The following ADAMTS17 variants were observed in gnomAD, a reference collection of about 807,000 sequenced individuals.
ADAMTS17 encodes A disintegrin and metalloproteinase with thrombospondin motifs 17.
ADAMTS17 carries 113 observed loss-of-function variants against 141.5 expected under a neutral mutation model. The observed-to-expected ratio is 0.80, with a 90% CI of 0.69 to 0.93. ADAMTS17 has a LOEUF of 0.93. Among genes scored for constraint, ADAMTS17 ranks in the 40% least tolerant of loss-of-function variants. ADAMTS17 has a pLI of 0.00. For missense variants in ADAMTS17, 1,659 were observed against 1,517.9 expected (o/e 1.09, Z -1.54); for synonymous variants, 768 against 630.6 (o/e 1.22, Z -3.27).
In ADAMTS17 at chr15:100,109,135, G is replaced by A; in HGVS notation, c.1889-19C>T. The A allele has an allele frequency of 5.6e-6, 9 of 1,598,852 alleles. No homozygotes were observed. Among genetic ancestry groups the A allele is most frequent in the Non-Finnish European group, 7.7e-6 (9 of 1,172,476 alleles). On this transcript the variant is annotated intron_variant, in intron 13 of 21. Coordinates refer to ENST00000268070, the MANE Select transcript of ADAMTS17 (RefSeq NM_139057.4). Reference sequence around the variant, plus strand: ...GGCTTATCTGAGGAGGGAAAGGTTGGAGGACGTTGACACGGGAAGGTGTGC... The same window carrying A: ...GGCTTATCTGAGGAGGGAAAGGTTGAAGGACGTTGACACGGGAAGGTGTGC...
chr15:100,087,114 A>G (rs2035155972), intron 15 of ADAMTS17, among the ~76,000 whole-genome samples: 1 of 152,216 alleles, frequency 6.6e-6, no homozygotes, highest in Non-Finnish European at 1.5e-5. Context: ...AAAGAAGAAA[A>G]CAGAGAAGAA....
chr15:100,318,235 CAAG>C (rs1362303711), intron 3 of ADAMTS17, among the ~76,000 whole-genome samples: 2 of 152,006 alleles, frequency 1.3e-5, no homozygotes, highest in Non-Finnish European at 1.5e-5. Flanking sequence ...AGTCAGACAA[CAAG>C]AAGGACCTAG....
At chr15:100,135,509 T>C (rs1444533250) in intron 10 of ADAMTS17, among the ~76,000 whole-genome samples, 1 of 152,090 alleles carries the variant, frequency 6.6e-6, no homozygotes, top group East Asian at 1.9e-4. Flanking sequence ...GGTCTCAATC[T>C]CCTGACCTCG....
chr15:100,114,230 T>C (rs2036972909), intron 13 of ADAMTS17, among the ~76,000 whole-genome samples: 1 of 151,740 alleles, frequency 6.6e-6, no homozygotes, highest in African/African-American at 2.4e-5. Flanking sequence ...TCTTTTGAAC[T>C]GTGCGTCACT....
At chr15:100,084,058 G>A (rs1482693985) in intron 15 of ADAMTS17, among the ~76,000 whole-genome samples, 4 of 152,106 alleles carry the variant, frequency 2.6e-5, no homozygotes, top group African/African-American at 9.7e-5. Flanking sequence ...ACCTCACCCG[G>A]GAAGTGAAAG....
intron 13 of ADAMTS17, among the ~76,000 whole-genome samples, chr15:100,111,899 C>T (rs1367607609): frequency 6.6e-6 from 1 of 152,222 alleles, no homozygotes; most frequent in Non-Finnish European, 1.5e-5. Flanking sequence ...CGCCCCGCCT[C>T]TTGGCTCCAG....
At chr15:100,310,778 GGC>G (rs2045378284) in intron 3 of ADAMTS17, among the ~76,000 whole-genome samples, 1 of 152,266 alleles carries the variant, frequency 6.6e-6, no homozygotes, top group Non-Finnish European at 1.5e-5. Context: ...CAAACGCCAC[GGC>G]AGGGGGTTTG....
intron 8 of ADAMTS17, among the ~76,000 whole-genome samples, chr15:100,171,339 G>A (rs1478646733): frequency 6.6e-6 from 1 of 152,146 alleles, no homozygotes; most frequent in African/African-American, 2.4e-5. Context: ...TCATTATTTG[G>A]ACGGCTGCCT....
intron 15 of ADAMTS17, among the ~76,000 whole-genome samples, chr15:100,090,352 T>G (rs1462487907): frequency 3.3e-4 from 51 of 152,342 alleles, no homozygotes; most frequent in Non-Finnish European, 2.2e-4. Flanking sequence ...AGGAAGCTGC[T>G]GTTGTATGGA....
chr15:100,012,366 A>G (rs1192163419), intron 18 of ADAMTS17, among the ~76,000 whole-genome samples: 1 of 152,130 alleles, frequency 6.6e-6, no homozygotes, highest in Admixed American at 6.5e-5. Flanking sequence ...TCCTTTCACC[A>G]TGCAGAAGCT....
chr15:100,108,472 CCTCT>C (rs1210873702), intron 14 of ADAMTS17, among the ~76,000 whole-genome samples: 2 of 152,192 alleles, frequency 1.3e-5, no homozygotes, highest in Non-Finnish European at 2.9e-5. Flanking sequence ...CCGCACCCGG[CCTCT>C]CTTTCTTCAC....
At position 100,171,803 on chromosome 15, in the gene ADAMTS17, GAACCAACGGACCC is replaced by G. The variant is rs922284527; in HGVS notation, c.1182-16496_1182-16484del. Among the ~76,000 whole-genome samples, 26 of 152,264 alleles carry G rather than the reference GAACCAACGGACCC, an allele frequency of 1.7e-4. 1 individual carries two copies. Among genetic ancestry groups the G allele is most frequent in the African/African-American group, 5.5e-4 (23 of 41,536 alleles). On this transcript the variant is annotated intron_variant, in intron 8 of 21. Transcript: ENST00000268070. ...GCTGGTAAATGTTCATAAATGAATG[GAACCAACGGACCC>G]AACAAAATAAAAACAGCTTCTCTGC...
Position 100,096,430 on chromosome 15 carries a change from C to G in ADAMTS17, c.2063G>C (p.Arg688Thr). ...GIIGSAAKED[R>T]CGVCSGDGKT... ...GCCGTCCCCGCTGCAGACCCCGCAT[C>G]TGTCCTCTTTGGCTGCAGACCCGAT... The change falls in exon 15 of 22, where the codon AGA becomes ACA. Residue 688 changes from arginine (R) to threonine (T), a missense_variant. Physicochemically the swap from Arg to Thr is moderately conservative, Grantham distance 71 (BLOSUM62 -1). Transcript: ENST00000268070. The G allele has an allele frequency of 1.2e-6, 2 of 1,614,214 alleles. No individual in the cohort carries two copies. The highest frequency in any genetic ancestry group is 1.7e-6 in the Non-Finnish European group (2 of 1,180,046).
rs1220720368 is a variant in ADAMTS17, at chr15:99,993,689, GAGA to G, written c.2797-492_2797-490del. 6.6e-6 allele frequency among the ~76,000 whole-genome samples: 1 copy of G among 152,188 alleles called. No individual in the cohort carries two copies. Among genetic ancestry groups the G allele is most frequent in the African/African-American group, 2.4e-5 (1 of 41,424 alleles). ...GGGACAAACTCCTCGATCCAGCCGG[GAGA>G]AGGAGGAGGAGGCGGCAGAAGGAAG... On this transcript the variant is annotated intron_variant, in intron 19 of 21. Transcript: ENST00000268070. This position sits in a 1 kb window ranked among gnomAD's most constrained non-coding sequence, Gnocchi z 4.3.
chr15:100,261,611 C>T lies in ADAMTS17; in HGVS notation c.899G>A (p.Gly300Asp). 3 of 1,613,960 alleles carry T rather than the reference C, an allele frequency of 1.9e-6. No individual in the cohort carries two copies. Among genetic ancestry groups the T allele is most frequent in the Non-Finnish European group, 2.5e-6 (3 of 1,179,944 alleles). ...RPAKLSIGHH[G>D]ERSLESFCHW... is the part of the protein sequence containing the mutation. ...ACAGAAGCTCTCCAGGGACCGCTCA[C>T]CATGGTGCCCAATGGACAACTTAGC... The change falls in exon 6 of 22, where the codon GGT (glycine) becomes GAT (aspartate). Residue 300 changes from glycine (G) to aspartate (D), a missense_variant. Physicochemically the swap from Gly to Asp is moderately conservative, Grantham distance 94. Coordinates refer to ENST00000268070, the MANE Select transcript of ADAMTS17 (RefSeq NM_139057.4).
rs74999512 is a variant in ADAMTS17, at chr15:100,154,302, T to C, written c.1322+878A>G. ...GTGGTATCAAATACTCAGTGGGAAG[T>C]AGACTACATTAAAAGTAATGAGTGC... On this transcript the variant is annotated intron_variant, in intron 9 of 21. Coordinates refer to ENST00000268070, the MANE Select transcript of ADAMTS17 (RefSeq NM_139057.4). Among the ~76,000 whole-genome samples, 975 of 152,300 alleles carry C rather than the reference T, an allele frequency of 6.4e-3. 9 individuals are homozygous for C. Among genetic ancestry groups the C allele is most frequent in the African/African-American group, 0.018 (742 of 41,568 alleles).
At chr15:100,127,780 C>T (rs892222227) in intron 12 of ADAMTS17, among the ~76,000 whole-genome samples, 12 of 151,778 alleles carry the variant, frequency 7.9e-5, no homozygotes, top group Non-Finnish European at 1.5e-4. Context: ...CAGGGTTTCA[C>T]CATGTTGGCC....
chr15:100,080,142 A>C (rs2034636052), intron 15 of ADAMTS17, among the ~76,000 whole-genome samples: 1 of 152,140 alleles, frequency 6.6e-6, no homozygotes, highest in Non-Finnish European at 1.5e-5. Flanking sequence ...GTGATCCCCT[A>C]GCAAAATTTT....
At chr15:100,336,012 G>A (rs957461794) in intron 2 of ADAMTS17, among the ~76,000 whole-genome samples, 2 of 152,220 alleles carry the variant, frequency 1.3e-5, no homozygotes, top group African/African-American at 4.8e-5. Flanking sequence ...CCAAGATCAG[G>A]CAGCTGCAGT....
Sources: gnomAD v4.1 joint callset for allele counts (sites outside exome capture counted in the v4.1 genomes callset) on GRCh38, gnomAD v4.1.1 for gene constraint, Gnocchi (gnomAD v3.1) non-coding constraint, MANE v1.5 for transcripts, NCBI Gene and HGNC (gene_info 2026-07-23, HGNC 2026-07-21) for gene names.